Variants in CDH7 observed in about 807,000 individuals in gnomAD.
The protein encoded by CDH7 is cadherin-7.
CDH7 carries 25 observed loss-of-function variants against 71.8 expected under a neutral mutation model. The observed-to-expected ratio is 0.35, with a 90% CI of 0.25 to 0.49. CDH7 has a LOEUF of 0.49. Ranked by LOEUF, CDH7 falls within the 20% of genes least tolerant of loss-of-function variation. CDH7 has a pLI of 0.99. For synonymous variants in CDH7, 381 were observed against 363.8 expected, an observed-to-expected ratio of 1.05 and a Z score of -0.54; for missense variants, 862 against 974.6, an observed-to-expected ratio of 0.88 and a Z score of 1.54.
intron 2 of CDH7, among the ~76,000 whole-genome samples, chr18:65,779,290 A>T: frequency 1.1e-5 from 1 of 94,966 alleles, no homozygotes; most frequent in Admixed American, 1.2e-4. Flanking sequence ...CATTATTTGT[A>T]CAGCTGTGTG....
chr18:65,853,854 T>C (rs1252520470), intron 7 of CDH7, among the ~76,000 whole-genome samples: 1 of 139,444 alleles, frequency 7.2e-6, no homozygotes, highest in Non-Finnish European at 1.5e-5. Context: ...AATTGCCAAA[T>C]GCATAAATGA....
chr18:65,755,990 C>CAAAAACA (rs574908714), intron 1 of CDH7, among the ~76,000 whole-genome samples: 57 of 152,060 alleles, frequency 3.7e-4, no homozygotes, highest in African/African-American at 1.3e-3. Context: ...AAAACAAAAA[C>CAAAAACA]AAAAACAAAA....
At chr18:65,783,979 G>A (rs957733987) in intron 2 of CDH7, among the ~76,000 whole-genome samples, 2 of 152,050 alleles carry the variant, frequency 1.3e-5, no homozygotes, top group Non-Finnish European at 2.9e-5. Context: ...ATTTGAGACA[G>A]AGTCAGGCTC....
chr18:65,765,231 G>C (rs1167225887), intron 2 of CDH7, among the ~76,000 whole-genome samples: 1 of 151,912 alleles, frequency 6.6e-6, no homozygotes, highest in Non-Finnish European at 1.5e-5. Flanking sequence ...GAGATGGAAG[G>C]AGAATTTGTA....
At chr18:65,763,592 G>T (rs1473474142) in intron 2 of CDH7, among the ~76,000 whole-genome samples, 3 of 131,038 alleles carry the variant, frequency 2.3e-5, no homozygotes, top group East Asian at 2.2e-4. Context: ...TTTTGATAGG[G>T]GGGTGTGTGT....
chr18:65,756,499 A>G (rs1312413071), intron 1 of CDH7, among the ~76,000 whole-genome samples: 2 of 152,238 alleles, frequency 1.3e-5, no homozygotes, highest in Non-Finnish European at 2.9e-5. Context: ...GAGAGGCATA[A>G]CTTCTTTAAA....
chr18:65,765,042 C>G (rs2143793450), intron 2 of CDH7, among the ~76,000 whole-genome samples: 1 of 152,130 alleles, frequency 6.6e-6, no homozygotes, highest in East Asian at 1.9e-4. Flanking sequence ...TACCTCTCTT[C>G]CAACTAATCA....
At chr18:65,863,398 T>C (rs2144040050) in intron 11 of CDH7, 1 of 163,504 alleles carries the variant, frequency 6.1e-6, no homozygotes, top group Admixed American at 5.6e-5. Flanking sequence ...GTGGTATATT[T>C]GAAGTATAAC....
At chr18:65,772,942 A>G (rs1395503636) in intron 2 of CDH7, among the ~76,000 whole-genome samples, 1 of 152,192 alleles carries the variant, frequency 6.6e-6, no homozygotes, top group Non-Finnish European at 1.5e-5. Flanking sequence ...TTAACATCTT[A>G]TAATATATGT....
At chr18:65,860,881 C>T (rs149533088) in intron 10 of CDH7, among the ~76,000 whole-genome samples, 7 of 152,256 alleles carry the variant, frequency 4.6e-5, no homozygotes, top group Non-Finnish European at 8.8e-5. Flanking sequence ...TTATTTCCTA[C>T]TCAATGAGAA....
intron 2 of CDH7, among the ~76,000 whole-genome samples, chr18:65,796,937 A>G (rs928695855): frequency 1.3e-5 from 2 of 152,174 alleles, no homozygotes; most frequent in African/African-American, 4.8e-5. Context: ...AGAAAATAGG[A>G]AACCTATTAC....
chr18:65,859,032 G>A lies in CDH7; in HGVS notation c.1480G>A (p.Ala494Thr). 5 of 1,613,448 alleles carry A rather than the reference G, an allele frequency of 3.1e-6. No individual in the cohort carries two copies. The highest frequency in any genetic ancestry group is 4.2e-6 in the Non-Finnish European group (5 of 1,179,498). Reference protein sequence around the residue: ...MDYETTVCENAQPGQVIQKIS... With the variant: ...MDYETTVCENTQPGQVIQKIS... ...CTATGAGACCACCGTCTGTGAAAAT[G>A]CCCAGCCGGGGCAGGTAAGAGTCTT... Residue 494 changes from alanine to threonine, a missense_variant, in exon 9 of 12, where the codon GCC becomes ACC. Ala to Thr is a moderately conservative substitution (Grantham distance 58). Transcript: ENST00000397968.
intron 4 of CDH7, 118 bp downstream of exon 4, chr18:65,814,722 T>C (rs1000540733): frequency 1.0e-5 from 8 of 800,350 alleles, no homozygotes; most frequent in Non-Finnish European, 1.5e-5. Flanking sequence ...CTTCTCTCAA[T>C]ATGTCTACTT....
chr18:65,752,229 A>G (rs1915903981), intron 1 of CDH7, among the ~76,000 whole-genome samples: 1 of 152,262 alleles, frequency 6.6e-6, no homozygotes, highest in Non-Finnish European at 1.5e-5. Context: ...ACTTTATACA[A>G]AAAATAAGAG....
chr18:65,818,716 G>A (rs1249354519), intron 4 of CDH7, among the ~76,000 whole-genome samples: 1 of 152,082 alleles, frequency 6.6e-6, no homozygotes, highest in African/African-American at 2.4e-5. Flanking sequence ...TCATTCACTA[G>A]GGAATAATCA....
At position 65,859,697 on chromosome 18, in the gene CDH7, T is replaced by A; in HGVS notation, c.1495-11T>A. On this transcript the variant is annotated splice_polypyrimidine_tract_variant and intron_variant, in intron 9 of 11. Transcript: ENST00000397968. ...CAATGTGCTTTCATCTTTTACTTTCTCTTTTCCTAGGTTATCCAGAAAATC... is the reference window on the plus strand; with the variant it reads ...CAATGTGCTTTCATCTTTTACTTTCACTTTTCCTAGGTTATCCAGAAAATC... 6.5e-7 allele frequency: 1 copy of A among 1,534,538 alleles called. No homozygotes were observed. Among genetic ancestry groups the A allele is most frequent in the Non-Finnish European group, 9.0e-7 (1 of 1,107,716 alleles).
In CDH7 at chr18:65,882,058, A is replaced by G. The variant is rs1323000855; in HGVS notation, c.*1164A>G. On this transcript the variant is annotated 3_prime_UTR_variant, in exon 12 of 12. Coordinates refer to ENST00000397968, the MANE Select transcript of CDH7 (RefSeq NM_004361.5). The stretch of plus-strand genomic sequence containing the variant: ...CTCCAAAGACGATTTCAAGAACACA[A>G]CCTTTCTTGCTGCAAACCTATTGAG... The G allele has an allele frequency of 6.6e-6, 1 of 152,088 alleles. No individual in the cohort carries two copies. The highest frequency in any genetic ancestry group is 1.5e-5 in the Non-Finnish European group (1 of 67,990). The allele number at this position is 152,088 out of a possible 1,614,324, so 9.4% of individuals were successfully genotyped here. A position where few individuals can be genotyped will look rare whatever the true frequency, so the allele number is the denominator to read the frequency against.
intron 11 of CDH7, chr18:65,863,911 C>G (rs192035434): frequency 6.6e-6 from 1 of 151,998 alleles, no homozygotes; most frequent in South Asian, 2.1e-4. Flanking sequence ...ACTTGTAACA[C>G]GAACACAACA....
intron 11 of CDH7, among the ~76,000 whole-genome samples, chr18:65,873,462 A>C (rs1004095349): frequency 8.5e-5 from 13 of 152,218 alleles, no homozygotes; most frequent in Non-Finnish European, 1.8e-4. Flanking sequence ...TGTTGAAATA[A>C]ATGCTAATAA....
Sources: allele counts gnomAD v4.1 joint callset (sites outside exome capture counted in the v4.1 genomes callset), GRCh38; gene constraint gnomAD v4.1.1; transcripts MANE v1.5; gene names NCBI Gene and HGNC (gene_info 2026-07-23, HGNC 2026-07-21).